Variants in SNX27 observed in about 807,000 individuals in gnomAD.
SNX27 encodes the protein sorting nexin 27.
In SNX27, 22 loss-of-function variants were observed where a neutral mutation model predicts 71.6. That is an observed-to-expected ratio of 0.31 (90% CI 0.22 to 0.44). The LOEUF (loss-of-function observed/expected upper bound fraction) is 0.44, where lower values mean the gene tolerates loss of function less well. Ranked by LOEUF, SNX27 falls within the 20% of genes least tolerant of loss-of-function variation. The probability of loss-of-function intolerance (pLI) is 1.00; values close to 1 mark genes in which losing one functional copy is unlikely to be tolerated. For missense variants in SNX27, 531 were observed against 698.6 expected (o/e 0.76, Z 2.70); for synonymous variants, 269 against 277.2 (o/e 0.97, Z 0.29).
chr1:151,650,450 A>G (rs1273361356), intron 2 of SNX27, among the ~76,000 whole-genome samples: 2 of 152,254 alleles, frequency 1.3e-5, no homozygotes, highest in East Asian at 1.9e-4. Flanking sequence ...TTGGAAAACT[A>G]TCAGCCAGTA....
At chr1:151,660,170 T>C (rs1211981) in intron 3 of SNX27, 79,271 of 151,766 alleles carry the variant, frequency 0.52, 23,329 homozygotes, top group Non-Finnish European at 0.68. Context: ...AAATTAACTT[T>C]CTTAAATTTA....
chr1:151,693,761 T>C, intron 11 of SNX27: 1 of 1,509,468 alleles, frequency 6.6e-7, no homozygotes, highest in Non-Finnish European at 8.8e-7. Context: ...TGGACCCTCC[T>C]CTGCCAGTTT....
intron 7 of SNX27, among the ~76,000 whole-genome samples, chr1:151,682,983 C>T (rs1259918819): frequency 6.6e-6 from 1 of 152,096 alleles, no homozygotes; most frequent in African/African-American, 2.4e-5. Flanking sequence ...TTCAGTGAGT[C>T]GAGATTGTGC....
chr1:151,637,817 A>G (rs891315595), intron 1 of SNX27, among the ~76,000 whole-genome samples: 1 of 152,244 alleles, frequency 6.6e-6, no homozygotes, highest in Non-Finnish European at 1.5e-5. Context: ...ATCATTTTTC[A>G]GGAAGGAAAA....
At chr1:151,687,926 G>T (rs1309773511) in intron 8 of SNX27, among the ~76,000 whole-genome samples, 1 of 143,004 alleles carries the variant, frequency 7.0e-6, no homozygotes, top group Non-Finnish European at 1.5e-5. Context: ...CAGCCTGGGC[G>T]ACAGAGCGGA....
rs1327988513 is a variant in SNX27 at position 151,697,144 on chromosome 1, A to T, written c.*2727A>T. On this transcript the variant is annotated 3_prime_UTR_variant, in exon 12 of 12. Transcript: ENST00000458013. ...AATTTGAAGACTTTGACACAGAACT[A>T]ACTTCTTTTGACTTAAATGAATTTA... The T allele has an allele frequency of 6.6e-6, 1 of 152,202 alleles. No individual in the cohort carries two copies. Among genetic ancestry groups the T allele is most frequent in the Non-Finnish European group, 1.5e-5 (1 of 68,036 alleles). 9.4% of individuals were successfully genotyped at this position (152,202 alleles called of 1,614,324 possible). A position where few individuals can be genotyped will look rare whatever the true frequency, so the allele number is the denominator to read the frequency against.
chr1:151,668,056 G>A (rs1348545913), intron 6 of SNX27, among the ~76,000 whole-genome samples: 1 of 152,152 alleles, frequency 6.6e-6, no homozygotes, highest in African/African-American at 2.4e-5. Flanking sequence ...TTCAGCTGAT[G>A]TCTACCAAAC....
rs115166911 is a variant in SNX27 at position 151,683,361 on chromosome 1, C to G, written c.1155C>G (p.Val385=). Residue 385 remains valine (V), a synonymous_variant, in exon 8 of 12, where the codon GTC becomes GTG. Transcript: ENST00000458013. ...LAVTYFFHQA[V]DDVKKGYIKA... ...TACTTCTGTTTTGGTGATAGGCAGT[C>G]GATGATGTGAAGAAAGGTTACATCA... The G allele has an allele frequency of 6.2e-7, 1 of 1,611,392 alleles. No homozygotes were observed. The highest frequency in any genetic ancestry group is 8.5e-7 in the Non-Finnish European group (1 of 1,178,958).
chr1:151,641,606 T>G (rs1467976470), intron 2 of SNX27, among the ~76,000 whole-genome samples: 2 of 78,778 alleles, frequency 2.5e-5, no homozygotes, highest in African/African-American at 4.6e-5. Context: ...CAGATATATA[T>G]ATATATATAT....
intron 1 of SNX27, among the ~76,000 whole-genome samples, chr1:151,621,524 A>C (rs569794189): frequency 6.6e-6 from 1 of 152,360 alleles, no homozygotes; most frequent in Non-Finnish European, 1.5e-5. Context: ...TGTTTTCTAC[A>C]GGCCTGATAC....
intron 1 of SNX27, among the ~76,000 whole-genome samples, chr1:151,621,515 GT>G (rs1313770578): frequency 6.6e-6 from 1 of 152,208 alleles, no homozygotes; most frequent in East Asian, 1.9e-4. Context: ...ATAGGCCTAT[GT>G]TTTCTACAGG....
chr1:151,628,242 G>A (rs1017130951), intron 1 of SNX27, among the ~76,000 whole-genome samples: 1 of 152,044 alleles, frequency 6.6e-6, no homozygotes, highest in African/African-American at 2.4e-5. Flanking sequence ...CCTGACCTCA[G>A]GTGAAACGCC....
chr1:151,677,991 G>A lies in SNX27; in HGVS notation c.1150-5365G>A, dbSNP rs556980442. ...CATTTTTAGTGTATAGTTCAATAGT[G>A]TTAAGTATATTCACAATGTTGTGTA... On this transcript the variant is annotated intron_variant, in intron 7 of 11. Coordinates refer to ENST00000458013, the MANE Select transcript of SNX27 (RefSeq NM_001330723.2). 5 of 152,166 alleles carry A rather than the reference G, an allele frequency of 3.3e-5. No homozygotes were observed. The East Asian group carries it at 9.6e-4, about 29-fold the overall frequency. The allele number at this position is 152,166 out of a possible 1,614,324, so 9.4% of individuals were successfully genotyped here.
At chr1:151,618,445 TC>T (rs1284669173) in intron 1 of SNX27, among the ~76,000 whole-genome samples, 7 of 152,158 alleles carry the variant, frequency 4.6e-5, no homozygotes. Context: ...AGCATTACCT[TC>T]CCCTCAGAAA....
intron 2 of SNX27, among the ~76,000 whole-genome samples, chr1:151,642,007 CAGA>C (rs1668795762): frequency 7.3e-6 from 1 of 137,780 alleles, no homozygotes; most frequent in African/African-American, 2.7e-5. Flanking sequence ...ATATATATAT[CAGA>C]TATAGATATA....
intron 1 of SNX27, among the ~76,000 whole-genome samples, chr1:151,619,466 A>AT (rs889854642): frequency 6.6e-6 from 1 of 151,848 alleles, no homozygotes; most frequent in African/African-American, 2.4e-5. Context: ...TGCCCAGCTA[A>AT]TTTTTTGTAT....
At chr1:151,617,958 T>C (rs1667502818) in intron 1 of SNX27, among the ~76,000 whole-genome samples, 1 of 148,266 alleles carries the variant, frequency 6.7e-6, no homozygotes, top group South Asian at 2.2e-4. Flanking sequence ...TGGGCTCAAG[T>C]GATCCTCCCA....
chr1:151,682,037 C>T (rs1049847723), intron 7 of SNX27, among the ~76,000 whole-genome samples: 4 of 152,238 alleles, frequency 2.6e-5, no homozygotes, highest in Admixed American at 2.6e-4. Context: ...CTGTCTGTAC[C>T]ATACATGTTT....
Position 151,668,543 on chromosome 1 carries a change from A to G in SNX27, c.1057A>G (p.Thr353Ala). ...GAATTATACATCAGCTGTGCCAGGC[A>G]CCTGCTTGACCATTCGAAAGTGGCT... The part of the protein sequence containing the change: ...IQNYTSAVPG[T>A]CLTIRKWLFT... The change falls in exon 7 of 12, where the codon ACC becomes GCC. Residue 353 changes from threonine to alanine, a missense_variant. Transcript: ENST00000458013. 1.2e-6 allele frequency: 2 copies of G among 1,614,102 alleles called. No individual in the cohort carries two copies. Among genetic ancestry groups the G allele is most frequent in the Non-Finnish European group, 1.7e-6 (2 of 1,179,980 alleles).
Sources: gnomAD v4.1 joint callset for allele counts (sites outside exome capture counted in the v4.1 genomes callset) on GRCh38, gnomAD v4.1.1 for gene constraint, MANE v1.5 for transcripts, NCBI Gene and HGNC (gene_info 2026-07-23, HGNC 2026-07-21) for gene names.